VSIG10L2: variants seen among roughly 807,000 people sequenced by gnomAD.
VSIG10L2 encodes V-set and immunoglobulin domain containing 10 like 2, also known as V-set and immunoglobulin domain-containing protein 10-like 2.
A neutral mutation model predicts 67.1 loss-of-function variants in VSIG10L2; 56 were observed. That is an observed-to-expected ratio of 0.83 (90% CI 0.67 to 1.04). The LOEUF is 1.04. Ranked by LOEUF, VSIG10L2 falls within the 50% of genes least tolerant of loss-of-function variation. The pLI, the probability that VSIG10L2 is intolerant of heterozygous loss-of-function variation, is 0.00. For synonymous variants in VSIG10L2, 360 were observed against 396.6 expected (o/e 0.91, Z 1.10); for missense variants, 843 against 932.8 (o/e 0.90, Z 1.25).
intron 11 of VSIG10L2, 51 bp from the exon 12 acceptor site, chr11:125,955,766 G>A (rs1945460397): frequency 9.6e-7 from 1 of 1,039,096 alleles, no homozygotes. Context: ...GGGAACACTT[G>A]GACACTCCCA....
intron 6 of VSIG10L2, 118 bp from the exon 7 acceptor site, chr11:125,953,282 C>A: frequency 1.2e-6 from 1 of 858,458 alleles, no homozygotes; most frequent in Non-Finnish European, 1.5e-6. Flanking sequence ...CCCAGACAAG[C>A]CTCATTGTCA....
intron 3 of VSIG10L2, among the ~76,000 whole-genome samples, chr11:125,949,164 T>C (rs1473435051): frequency 1.3e-5 from 2 of 152,272 alleles, no homozygotes; most frequent in Admixed American, 6.5e-5. Flanking sequence ...CCGTAACTTC[T>C]ATATTGATTA....
At chr11:125,952,208 T>G in intron 6 of VSIG10L2, 135 bp downstream of exon 6, 4 of 1,239,768 alleles carry the variant, frequency 3.2e-6, no homozygotes, top group East Asian at 2.6e-5. Context: ...AGCTAGGAGG[T>G]AGTTAGGAGC....
chr11:125,952,322 A>C (rs1049089743), intron 6 of VSIG10L2, among the ~76,000 whole-genome samples: 4 of 152,266 alleles, frequency 2.6e-5, no homozygotes, highest in Admixed American at 2.6e-4. Flanking sequence ...TATGTGATTT[A>C]AAATATTCTA....
Position 125,950,934 on chromosome 11 carries a change from G to C in VSIG10L2, c.1010G>C (p.Cys337Ser), listed in dbSNP as rs1455780867. 2 of 1,232,374 alleles carry C rather than the reference G, an allele frequency of 1.6e-6. No homozygotes were observed. Among genetic ancestry groups the C allele is most frequent in the Non-Finnish European group, 2.0e-6 (2 of 988,306 alleles). 76.3% of individuals were successfully genotyped at this position (1,232,374 alleles called of 1,614,324 possible). Reference sequence around the variant, plus strand: ...GATCCCCCTGAGGGACAGCCCTCCTGTGCAGTGCATCCCAGCCCTGAGGCT... The same window carrying C: ...GATCCCCCTGAGGGACAGCCCTCCTCTGCAGTGCATCCCAGCCCTGAGGCT... ...IYYPPEGQPSCAVHPSPEAVT... is the reference protein window; with the variant it reads ...IYYPPEGQPSSAVHPSPEAVT... Residue 337 changes from cysteine (C) to serine (S), a missense_variant, in exon 5 of 12, where the codon TGT becomes TCT. Physicochemically the swap from Cys to Ser is moderately radical, Grantham distance 112 (BLOSUM62 -1). Coordinates refer to ENST00000686984, the MANE Select transcript of VSIG10L2 (RefSeq NM_001365077.2).
chr11:125,949,966 T>A lies in VSIG10L2; in HGVS notation c.710-48T>A, dbSNP rs1459318098. The A allele has an allele frequency of 2.4e-6, 3 of 1,231,456 alleles. No homozygotes were observed. In the African/African-American group the frequency reaches 4.7e-5, roughly 19 times the overall value. 76.3% of individuals were successfully genotyped at this position (1,231,456 alleles called of 1,614,324 possible). A position where few individuals can be genotyped will look rare whatever the true frequency, so the allele number is the denominator to read the frequency against. On this transcript the variant is annotated intron_variant, in intron 3 of 11. Transcript: ENST00000686984. ...ATTCAGAGATGAGCATGTGCGTGAA[T>A]GAAGGAATGAAGCTGGGGAGGTGTA...
intron 10 of VSIG10L2, 27 bp downstream of exon 10, chr11:125,955,533 G>C: frequency 8.0e-7 from 1 of 1,253,612 alleles, no homozygotes; most frequent in African/African-American, 1.5e-5. Context: ...AGTCATCCTG[G>C]GGGCCAGGGC....
chr11:125,952,139 T>C, intron 6 of VSIG10L2, 66 bp downstream of exon 6: 5 of 1,468,486 alleles, frequency 3.4e-6, no homozygotes, highest in Non-Finnish European at 4.5e-6. Flanking sequence ...GGAATCAGGA[T>C]AAAGAGATCT....
intron 8 of VSIG10L2, 79 bp from the exon 9 acceptor site, chr11:125,954,978 C>A: frequency 8.2e-7 from 1 of 1,220,812 alleles, no homozygotes; most frequent in Non-Finnish European, 1.0e-6. Flanking sequence ...CTCCAGAACC[C>A]TAGTGGTTCC....
rs1251782539 is a variant in VSIG10L2 at position 125,946,159 on chromosome 11, C to T, written c.82+22C>T. ...TCAGGTGAGTGATACTCAGACCCCC[C>T]AGGGGGTTCATTTCCCACTCCCATC... is the stretch of plus-strand genomic sequence containing the variant. On this transcript the variant is annotated intron_variant, in intron 1 of 11. Transcript: ENST00000686984. This position sits in a 1 kb window ranked among gnomAD's most constrained non-coding sequence, Gnocchi z 4.4. 5.0e-6 allele frequency: 2 copies of T among 398,936 alleles called. No individual in the cohort carries two copies. Among genetic ancestry groups the T allele is most frequent in the East Asian group, 3.6e-5 (1 of 28,086 alleles). The allele number at this position is 398,936 out of a possible 1,614,324, so 24.7% of individuals were successfully genotyped here.
chr11:125,951,941 C>T lies in VSIG10L2; in HGVS notation c.1363C>T (p.Pro455Ser), dbSNP rs1300834286. 3.9e-6 allele frequency: 6 copies of T among 1,535,962 alleles called. No homozygotes were observed. The highest frequency in any genetic ancestry group is 4.4e-6 in the Non-Finnish European group (5 of 1,146,890). ...GGGCTGGCTTGACGAACAGCAGCAG[C>T]CCCTGGGCGGCAGCAGCTCCTCGAT... ...TLGWLDEQQQ[P>S]LGGSSSSMAV... Residue 455 changes from proline (P) to serine (S), a missense_variant, in exon 6 of 12, where the codon CCC (proline) becomes TCC (serine). Transcript: ENST00000686984.
rs1945470805 is a variant in VSIG10L2, at chr11:125,956,174, T to C, written c.*260T>C. The C allele has an allele frequency of 1.6e-6, 1 of 621,138 alleles. No homozygotes were observed. Among genetic ancestry groups the C allele is most frequent in the Admixed American group, 2.1e-5 (1 of 47,376 alleles). The allele number at this position is 621,138 out of a possible 1,614,324, so 38.5% of individuals were successfully genotyped here. Reference sequence around the variant, plus strand: ...AGGACCCACAATGGGGAGACAGGGATCTCTGGGTGTCTGAGGGCAAGTGAA... The same window carrying C: ...AGGACCCACAATGGGGAGACAGGGACCTCTGGGTGTCTGAGGGCAAGTGAA... On this transcript the variant is annotated 3_prime_UTR_variant, in exon 12 of 12. Coordinates refer to ENST00000686984, the MANE Select transcript of VSIG10L2 (RefSeq NM_001365077.2).
intron 1 of VSIG10L2, chr11:125,947,358 GGA>G (rs1945312055): frequency 1.1e-6 from 1 of 920,242 alleles, no homozygotes; most frequent in African/African-American, 1.8e-5. Context: ...ACCACCACTG[GGA>G]GTGTCTGACT....
At chr11:125,952,914 C>A (rs1945396766) in intron 6 of VSIG10L2, among the ~76,000 whole-genome samples, 1 of 152,230 alleles carries the variant, frequency 6.6e-6, no homozygotes, top group African/African-American at 2.4e-5. Context: ...ATATTTCCTT[C>A]CCTATTACTT....
chr11:125,948,266 T>C (rs1385484107), intron 2 of VSIG10L2, 39 bp from the exon 3 acceptor site: 1 of 1,232,034 alleles, frequency 8.1e-7, no homozygotes, highest in Non-Finnish European at 1.0e-6. Context: ...GTGTCCTGGG[T>C]CTGTAATAAC....
intron 3 of VSIG10L2, 73 bp from the exon 4 acceptor site, chr11:125,949,941 A>T (rs1352697954): frequency 1.5e-5 from 18 of 1,222,202 alleles, no homozygotes; most frequent in Non-Finnish European, 1.7e-5. Context: ...GGATGCATAC[A>T]TTCAGAGATG....
At position 125,951,108 on chromosome 11, in the gene VSIG10L2, C is replaced by T. The variant is rs1945363033; in HGVS notation, c.1184C>T (p.Thr395Ile). The change falls in exon 5 of 12, where the codon ACT becomes ATT. Residue 395 changes from threonine to isoleucine, a missense_variant. Around this residue, in one of 2 missense-constraint regions of VSIG10L2, gnomAD observed 446 missense variants for 548.4 expected, o/e 0.81. Coordinates refer to ENST00000686984, the MANE Select transcript of VSIG10L2 (RefSeq NM_001365077.2). Reference sequence around the variant, plus strand: ...CCCAGTGGCAGCGTCTTCACCTGCACTGGCCAGCACCCAGCCCTGGCACCG... The same window carrying T: ...CCCAGTGGCAGCGTCTTCACCTGCATTGGCCAGCACCCAGCCCTGGCACCG... ...QLPSGSVFTCTGQHPALAPPA... is the reference protein window; with the variant it reads ...QLPSGSVFTCIGQHPALAPPA... 2 of 1,232,798 alleles carry T rather than the reference C, an allele frequency of 1.6e-6. No homozygotes were observed. Among genetic ancestry groups the T allele is most frequent in the Admixed American group, 8.4e-5 (2 of 23,710 alleles). The allele number at this position is 1,232,798 out of a possible 1,614,324, so 76.4% of individuals were successfully genotyped here.
chr11:125,952,117 G>A, intron 6 of VSIG10L2, 44 bp downstream of exon 6: 4 of 1,499,862 alleles, frequency 2.7e-6, no homozygotes, highest in Non-Finnish European at 3.6e-6. Flanking sequence ...GGGACAGGAG[G>A]AGGAACCCTT....
rs1945465535 is a variant in VSIG10L2, at chr11:125,955,944, A to C, written c.*30A>C. ...CAAAGAGGAAGATGCAAATAGGCTT[A>C]GGGAGGGCAGGTGGGATTTGGGAAG... is the stretch of plus-strand genomic sequence containing the variant. On this transcript the variant is annotated 3_prime_UTR_variant, in exon 12 of 12. Coordinates refer to ENST00000686984, the MANE Select transcript of VSIG10L2 (RefSeq NM_001365077.2). The C allele has an allele frequency of 1.6e-6, 1 of 642,536 alleles. No individual in the cohort carries two copies. The highest frequency in any genetic ancestry group is 2.8e-6 in the Non-Finnish European group (1 of 357,828). The allele number at this position is 642,536 out of a possible 1,614,324, so 39.8% of individuals were successfully genotyped here. A position where few individuals can be genotyped will look rare whatever the true frequency, so the allele number is the denominator to read the frequency against.
Sources: gnomAD v4.1 joint callset for allele counts (sites outside exome capture counted in the v4.1 genomes callset) on GRCh38, gnomAD v4.1.1 for gene constraint, gnomAD v4.1.1 regional missense constraint, Gnocchi (gnomAD v3.1) non-coding constraint, MANE v1.5 for transcripts, NCBI Gene and HGNC (gene_info 2026-07-23, HGNC 2026-07-21) for gene names.